Variants in NDUFS7 observed in about 807,000 individuals in gnomAD.
The protein encoded by NDUFS7 is NADH dehydrogenase [ubiquinone] iron-sulfur protein 7, mitochondrial.
In NDUFS7, 11 loss-of-function variants were observed where a neutral mutation model predicts 31.1. That is an observed-to-expected ratio of 0.35 (90% CI 0.22 to 0.59). NDUFS7 has a LOEUF of 0.59. Among genes scored for constraint, NDUFS7 ranks in the 20% least tolerant of loss-of-function variants. NDUFS7 has a pLI of 0.79. For missense variants in NDUFS7, 263 were observed against 324.2 expected, an observed-to-expected ratio of 0.81 and a Z score of 1.45; for synonymous variants, 136 against 127.9, an observed-to-expected ratio of 1.06 and a Z score of -0.43.
chr19:1,390,713 G>T, intron 4 of NDUFS7, 158 bp from the exon 5 acceptor site: 1 of 721,858 alleles, frequency 1.4e-6, no homozygotes, highest in Non-Finnish European at 2.3e-6. Context: ...ACAACTCTTG[G>T]GGCCCGGAGG....
chr19:1,388,758 C>T (rs761450030), intron 3 of NDUFS7, 75 bp from the exon 4 acceptor site: 6 of 1,492,838 alleles, frequency 4.0e-6, no homozygotes, highest in Non-Finnish European at 5.5e-6. Flanking sequence ...TGGCAGCGGC[C>T]GTGGGGGCTC....
At chr19:1,388,992 T>A in intron 4 of NDUFS7, 54 bp downstream of exon 4, 1 of 1,433,364 alleles carries the variant, frequency 7.0e-7, no homozygotes, top group Non-Finnish European at 9.6e-7. Context: ...CTCTGCACAC[T>A]CACAGGCACA....
At chr19:1,388,089 C>T (rs1568987208) in intron 2 of NDUFS7, 13 of 614,912 alleles carry the variant, frequency 2.1e-5, no homozygotes, top group South Asian at 3.8e-5. Context: ...GGCTCAGTGC[C>T]GTCAGAGCTC....
Position 1,393,669 on chromosome 19 carries a change from A to C in NDUFS7, c.544+339A>C. On this transcript the variant is annotated intron_variant, in intron 7 of 7. Transcript: ENST00000233627. This position sits in a 1 kb window ranked among gnomAD's most constrained non-coding sequence, Gnocchi z 7.3. ...GCGAGAAGGTTCCTGGGGGCCAAGG[A>C]CACTGTCCCGCGCCCTCAGCCTTAC... is the stretch of plus-strand genomic sequence containing the variant. 1 of 591,122 alleles carries C rather than the reference A, an allele frequency of 1.7e-6. No individual in the cohort carries two copies. The highest frequency in any genetic ancestry group is 2.8e-5 in the East Asian group (1 of 35,684). 36.6% of individuals were successfully genotyped at this position (591,122 alleles called of 1,614,324 possible).
At chr19:1,394,679 G>T in intron 7 of NDUFS7, 3 of 1,203,100 alleles carry the variant, frequency 2.5e-6, no homozygotes, top group Admixed American at 2.9e-5. Context: ...CCTGCGGACT[G>T]TGCTGCTCCC....
Position 1,388,535 on chromosome 19 carries a change from G to A in NDUFS7, c.64G>A (p.Gly22Ser). Residue 22 changes from glycine to serine, a missense_variant, in exon 3 of 8, where the codon GGC becomes AGC. Physicochemically the swap from Gly to Ser is moderately conservative, Grantham distance 56 (BLOSUM62 0). Coordinates refer to ENST00000233627, the MANE Select transcript of NDUFS7 (RefSeq NM_024407.5). ...FRILGLRSSV[G>S]PAVQARGVHQ... ...TCCATCTCCCGGCAGCTCCAGCGTG[G>A]GCCCGGCTGTGCAGGCACGAGGTGT... The A allele has an allele frequency of 1.2e-6, 2 of 1,611,356 alleles. No individual in the cohort carries two copies. Among genetic ancestry groups the A allele is most frequent in the South Asian group, 1.1e-5 (1 of 90,974 alleles).
At chr19:1,390,736 G>A in intron 4 of NDUFS7, 135 bp from the exon 5 acceptor site, 1 of 968,046 alleles carries the variant, frequency 1.0e-6, no homozygotes, top group Non-Finnish European at 1.6e-6. Context: ...ACCTGCAGGA[G>A]CCGCTGTGCC....
In NDUFS7 at chr19:1,389,245, ACT is replaced by A. The variant is rs1021760569; in HGVS notation, c.228+309_228+310del. ...CACATGCACACTTGCACTCATGCACACTCATGCGCACATATACACATGCACAC... is the reference window on the plus strand; with the variant it reads ...CACATGCACACTTGCACTCATGCACACATGCGCACATATACACATGCACAC... On this transcript the variant is annotated intron_variant, in intron 4 of 7. Transcript: ENST00000233627. 7.3e-5 allele frequency: 48 copies of A among 656,370 alleles called. No individual in the cohort carries two copies. The African/African-American group carries it at 7.5e-4, about 10-fold the overall frequency. The allele number at this position is 656,370 out of a possible 1,614,324, so 40.7% of individuals were successfully genotyped here.
At chr19:1,385,708 A>T (rs1384249445) in intron 1 of NDUFS7, among the ~76,000 whole-genome samples, 1 of 151,306 alleles carries the variant, frequency 6.6e-6, no homozygotes, top group African/African-American at 2.4e-5. Flanking sequence ...AATCCCAGCT[A>T]CTCGGGAGGC....
chr19:1,391,309 C>A, intron 6 of NDUFS7, 144 bp downstream of exon 6: 1 of 1,060,292 alleles, frequency 9.4e-7, no homozygotes, highest in Non-Finnish European at 1.4e-6. Context: ...CGTCTCGGTG[C>A]CTCCACCCTA....
At position 1,390,921 on chromosome 19, in the gene NDUFS7, G is replaced by T; in HGVS notation, c.279G>T (p.Met93Ile). Reference sequence around the variant, plus strand: ...GCCTGGCCTGCTGCGCCGTGGAGATGATGCACATGGCAGCACCCCGCTACG... The same window carrying T: ...GCCTGGCCTGCTGCGCCGTGGAGATTATGCACATGGCAGCACCCCGCTACG... ...TFGLACCAVE[M>I]MHMAAPRYDM... The change falls in exon 5 of 8, where the codon ATG (methionine) becomes ATT (isoleucine). Residue 93 changes from methionine to isoleucine, a missense_variant. Coordinates refer to ENST00000233627, the MANE Select transcript of NDUFS7 (RefSeq NM_024407.5). The T allele has an allele frequency of 1.2e-6, 2 of 1,612,118 alleles. No individual in the cohort carries two copies. The highest frequency in any genetic ancestry group is 1.7e-6 in the Non-Finnish European group (2 of 1,179,870).
Position 1,388,580 on chromosome 19 carries a change from G to C in NDUFS7, c.109G>C (p.Asp37His). ...ARGVHQSVAT[D>H]GPSSTQPALP... ...AGGTGTCCATCAGAGCGTGGCCACC[G>C]ATGGCCCAAGCAGGTGAAGCTGGCC... Residue 37 changes from aspartate (D) to histidine (H), a missense_variant, in exon 3 of 8, where the codon GAT (aspartate) becomes CAT (histidine). Asp to His is a moderately conservative substitution (Grantham distance 81, BLOSUM62 -1). Coordinates refer to ENST00000233627, the MANE Select transcript of NDUFS7 (RefSeq NM_024407.5). 1 of 1,612,232 alleles carries C rather than the reference G, an allele frequency of 6.2e-7. No homozygotes were observed. Among genetic ancestry groups the C allele is most frequent in the Admixed American group, 1.7e-5 (1 of 59,980 alleles).
At chr19:1,392,720 T>G in intron 6 of NDUFS7, 1 of 179,756 alleles carries the variant, frequency 5.6e-6, no homozygotes, top group Non-Finnish European at 1.2e-5. Flanking sequence ...TATTCCAGAG[T>G]TTTCATAACC....
chr19:1,389,249 A>AT, intron 4 of NDUFS7: 1 of 643,680 alleles, frequency 1.6e-6, no homozygotes, highest in South Asian at 1.5e-5. Context: ...ATGCACACTC[A>AT]TGCGCACATA....
At position 1,390,873 on chromosome 19, in the gene NDUFS7, T is replaced by A; in HGVS notation, c.231T>A (p.Ser77Arg). Residue 77 changes from serine (S) to arginine (R), a missense_variant and splice_region_variant, in exon 5 of 8, where the codon AGT becomes AGA. Physicochemically the swap from Ser to Arg is moderately radical, Grantham distance 110. Transcript: ENST00000233627. Reference sequence around the variant, plus strand: ...TGACCCGAGCCCGGCCTCCGCAGAGTTCTCTGTGGCCCATGACCTTCGGCC... The same window carrying A: ...TGACCCGAGCCCGGCCTCCGCAGAGATCTCTGTGGCCCATGACCTTCGGCC... Reference protein sequence around the residue: ...LDDLVNWARRSSLWPMTFGLA... With the variant: ...LDDLVNWARRRSLWPMTFGLA... The A allele has an allele frequency of 6.2e-7, 1 of 1,608,176 alleles. No individual in the cohort carries two copies. Among genetic ancestry groups the A allele is most frequent in the Non-Finnish European group, 8.5e-7 (1 of 1,179,588 alleles).
chr19:1,390,699 C>T, intron 4 of NDUFS7, 172 bp from the exon 5 acceptor site: 1 of 656,670 alleles, frequency 1.5e-6, no homozygotes, highest in Admixed American at 2.4e-5. Flanking sequence ...GTGGGGCGCG[C>T]TTTACAACTC....
intron 2 of NDUFS7, chr19:1,388,216 A>T: frequency 3.4e-6 from 2 of 587,272 alleles, no homozygotes; most frequent in Admixed American, 3.0e-5. Flanking sequence ...CAGGGATCTT[A>T]CCTTGGTCAT....
chr19:1,385,465 A>T (rs2082501546), intron 1 of NDUFS7, among the ~76,000 whole-genome samples: 1 of 151,824 alleles, frequency 6.6e-6, no homozygotes, highest in Non-Finnish European at 1.5e-5. Flanking sequence ...GTGAGCTAAG[A>T]TTGCACCATT....
rs551357457 is a variant in NDUFS7, at chr19:1,387,737, TG to T, written c.17-70del. 1.2e-4 allele frequency: 165 copies of T among 1,389,580 alleles called. 1 individual carries two copies. The African/African-American group carries it at 2.0e-3, about 17-fold the overall frequency. The allele number at this position is 1,389,580 out of a possible 1,614,324, so 86.1% of individuals were successfully genotyped here. ...CTAGGCTGTGCGGGCAGGAGCCTGATGGGGAAGCGCCTGGAGGCCGGCCCTG... is the reference window on the plus strand; with the variant it reads ...CTAGGCTGTGCGGGCAGGAGCCTGATGGGAAGCGCCTGGAGGCCGGCCCTG... On this transcript the variant is annotated intron_variant, in intron 1 of 7. Coordinates refer to ENST00000233627, the MANE Select transcript of NDUFS7 (RefSeq NM_024407.5).
Sources: gnomAD v4.1 joint callset for allele counts (sites outside exome capture counted in the v4.1 genomes callset) on GRCh38, gnomAD v4.1.1 for gene constraint, Gnocchi (gnomAD v3.1) non-coding constraint, MANE v1.5 for transcripts, NCBI Gene and HGNC (gene_info 2026-07-23, HGNC 2026-07-21) for gene names.